PHLPP1: variants seen among roughly 807,000 people sequenced by gnomAD.
PHLPP1 encodes PH domain leucine-rich repeat-containing protein phosphatase 1.
A neutral mutation model predicts 117.2 loss-of-function variants in PHLPP1; 42 were observed. The ratio of observed to expected loss-of-function variants is 0.36; its 90% CI spans 0.28 to 0.46. PHLPP1 has a LOEUF of 0.46. Among genes scored for constraint, PHLPP1 ranks in the 20% least tolerant of loss-of-function variants. The pLI, the probability that PHLPP1 is intolerant of heterozygous loss-of-function variation, is 1.00. For missense variants in PHLPP1, 2,084 were observed against 2,241.9 expected (o/e 0.93, Z 1.42); for synonymous variants, 1,042 against 970.7 (o/e 1.07, Z -1.37).
At chr18:62,914,192 G>A (rs1917038593) in intron 8 of PHLPP1, among the ~76,000 whole-genome samples, 2 of 152,098 alleles carry the variant, frequency 1.3e-5, no homozygotes, top group South Asian at 4.1e-4. Flanking sequence ...GTCCATGGCT[G>A]TGTTTTCATG....
intron 1 of PHLPP1, among the ~76,000 whole-genome samples, chr18:62,737,496 G>A (rs1236123932): frequency 1.3e-5 from 2 of 152,336 alleles, no homozygotes; most frequent in East Asian, 1.9e-4. Context: ...GACTGCCTTA[G>A]TAGGGCCTTT....
intron 7 of PHLPP1, among the ~76,000 whole-genome samples, chr18:62,903,932 CAT>C (rs1916787017): frequency 6.6e-6 from 1 of 152,118 alleles, no homozygotes; most frequent in African/African-American, 2.4e-5. Context: ...GTAGTATGGG[CAT>C]ATGTTTGCTA....
chr18:62,859,559 C>T (rs568630992), intron 3 of PHLPP1, among the ~76,000 whole-genome samples: 1 of 152,320 alleles, frequency 6.6e-6, no homozygotes, highest in Non-Finnish European at 1.5e-5. Context: ...GCAATGGAAT[C>T]TGATTCTACT....
In PHLPP1 at chr18:62,891,580, G is replaced by A. The variant is rs139678976; in HGVS notation, c.2067-3431G>A. Among the ~76,000 whole-genome samples, 108 of 151,576 alleles carry A rather than the reference G, an allele frequency of 7.1e-4. 2 individuals carry two copies. In the East Asian group the frequency reaches 0.017, roughly 24 times the overall value. ...AGCCTAGATGACAGAGCTAGACTCC[G>A]TCTCAAAAAAAGAAAAGAAATATTT... On this transcript the variant is annotated intron_variant, in intron 4 of 16. Transcript: ENST00000262719.
Position 62,717,057 on chromosome 18 carries a change from C to G in PHLPP1, c.1374C>G (p.Thr458=). The G allele has an allele frequency of 1.9e-6, 3 of 1,546,638 alleles. No homozygotes were observed. Among genetic ancestry groups the G allele is most frequent in the East Asian group, 2.4e-5 (1 of 40,858 alleles). ...CTACCCCCGGGAGGAGCGGGGTGAC[C>G]GCGGAGAAGGCGCCTCCGCCGCCCC... ...LQSTPGRSGV[T]AEKAPPPPPP... is the part of the protein sequence containing the mutation. The change falls in exon 1 of 17, where the codon ACC becomes ACG. Residue 458 remains threonine (T), a synonymous_variant. Transcript: ENST00000262719.
At chr18:62,818,839 C>T (rs1044203420) in intron 1 of PHLPP1, among the ~76,000 whole-genome samples, 1 of 152,216 alleles carries the variant, frequency 6.6e-6, no homozygotes, top group South Asian at 2.1e-4. Context: ...TGGTTAACAA[C>T]CTCCTCTTTG....
intron 1 of PHLPP1, among the ~76,000 whole-genome samples, chr18:62,822,060 C>T (rs2144322565): frequency 6.6e-6 from 1 of 152,234 alleles, no homozygotes; most frequent in Non-Finnish European, 1.5e-5. Context: ...TGTGGTACTG[C>T]ACAGTGTGGG....
At chr18:62,764,633 G>A (rs1352805354) in intron 1 of PHLPP1, among the ~76,000 whole-genome samples, 1 of 150,926 alleles carries the variant, frequency 6.6e-6, no homozygotes, top group Non-Finnish European at 1.5e-5. Context: ...ATGCCTGTAA[G>A]CCCAGCTACT....
At chr18:62,917,042 C>T (rs1332201266) in intron 9 of PHLPP1, among the ~76,000 whole-genome samples, 1 of 151,362 alleles carries the variant, frequency 6.6e-6, no homozygotes, top group African/African-American at 2.4e-5. Flanking sequence ...CCATGAGCCA[C>T]CACACCTAGC....
chr18:62,838,652 T>C, intron 2 of PHLPP1, 132 bp from the exon 3 acceptor site: 1 of 775,408 alleles, frequency 1.3e-6, no homozygotes, highest in Non-Finnish European at 2.0e-6. Flanking sequence ...AACTTAGTTC[T>C]CATTAATGAG....
chr18:62,749,422 A>AT (rs1911777578), intron 1 of PHLPP1, among the ~76,000 whole-genome samples: 2 of 152,212 alleles, frequency 1.3e-5, no homozygotes, highest in Non-Finnish European at 2.9e-5. Context: ...CATTCTGGCT[A>AT]TTTAACTTCT....
intron 3 of PHLPP1, among the ~76,000 whole-genome samples, chr18:62,842,075 T>C (rs1427770207): frequency 6.6e-6 from 1 of 152,232 alleles, no homozygotes; most frequent in East Asian, 1.9e-4. Context: ...GATATGCATA[T>C]AATAGATTTA....
intron 1 of PHLPP1, among the ~76,000 whole-genome samples, chr18:62,806,565 G>T (rs1913957262): frequency 6.6e-6 from 1 of 152,060 alleles, no homozygotes; most frequent in East Asian, 1.9e-4. Context: ...TTTCTTTTGA[G>T]AGATAGATAA....
chr18:62,810,029 T>TAG (rs1914065946), intron 1 of PHLPP1, among the ~76,000 whole-genome samples: 1 of 152,240 alleles, frequency 6.6e-6, no homozygotes, highest in Admixed American at 6.5e-5. Flanking sequence ...TTTTAAGTCT[T>TAG]TTCTGAGTGC....
chr18:62,967,015 G>A (rs909244827), intron 14 of PHLPP1, among the ~76,000 whole-genome samples: 14 of 152,216 alleles, frequency 9.2e-5, no homozygotes, highest in Middle Eastern at 6.8e-3. Flanking sequence ...CACATAATGC[G>A]TTTGAGATTC....
intron 1 of PHLPP1, among the ~76,000 whole-genome samples, chr18:62,828,924 C>G (rs1280295611): frequency 1.3e-5 from 2 of 152,158 alleles, no homozygotes; most frequent in African/African-American, 4.8e-5. Flanking sequence ...TGTTCAGTAT[C>G]TAGAAATGGG....
At chr18:62,792,124 A>G (rs1172374116) in intron 1 of PHLPP1, among the ~76,000 whole-genome samples, 2 of 152,202 alleles carry the variant, frequency 1.3e-5, no homozygotes, top group East Asian at 1.9e-4. Flanking sequence ...GCTGCAAACT[A>G]TCATTTTCAG....
At chr18:62,802,173 A>C (rs1913805603) in intron 1 of PHLPP1, among the ~76,000 whole-genome samples, 1 of 152,174 alleles carries the variant, frequency 6.6e-6, no homozygotes, top group Admixed American at 6.5e-5. Context: ...GAGAGGCCAA[A>C]GAAAAGAAGA....
intron 1 of PHLPP1, among the ~76,000 whole-genome samples, chr18:62,766,478 C>T (rs1054030209): frequency 8.6e-5 from 13 of 152,040 alleles, no homozygotes; most frequent in African/African-American, 3.1e-4. Flanking sequence ...ATCTTGCATT[C>T]TGCTGTGCTT....
Sources: allele counts gnomAD v4.1 joint callset (sites outside exome capture counted in the v4.1 genomes callset), GRCh38; gene constraint gnomAD v4.1.1; transcripts MANE v1.5; gene names NCBI Gene and HGNC (gene_info 2026-07-23, HGNC 2026-07-21).